The following CCDC7 variants were observed in gnomAD, a reference collection of about 807,000 sequenced individuals.
CCDC7 encodes coiled-coil domain containing 7.
Under a neutral mutation model 196.9 loss-of-function variants are expected in CCDC7, and 183 were observed. That is an observed-to-expected ratio of 0.93 (90% CI 0.82 to 1.05). The LOEUF (loss-of-function observed/expected upper bound fraction) is 1.05. Among genes scored for constraint, CCDC7 ranks in the 50% least tolerant of loss-of-function variants. The pLI is 0.00. For synonymous variants in CCDC7, 525 were observed against 484.6 expected (o/e 1.08, Z -1.10); for missense variants, 1,540 against 1,482.2 (o/e 1.04, Z -0.64).
intron 28 of CCDC7, among the ~76,000 whole-genome samples, chr10:32,777,043 C>T (rs11009079): frequency 0.088 from 13,419 of 152,124 alleles, 857 homozygotes; most frequent in East Asian, 0.33. Context: ...CATTTTACCC[C>T]TTCTTCCTCC....
In CCDC7 at chr10:32,814,274, A is replaced by C. The variant is rs750820535; in HGVS notation, c.3098-96A>C. ...TGCCCAGCCACAAATATTTTAAGTT[A>C]GTAACACACACACATATATGTACAT... On this transcript the variant is annotated intron_variant, in intron 30 of 41. Transcript: ENST00000639629. 7.1e-4 allele frequency: 622 copies of C among 872,570 alleles called. 1 individual carries two copies. Among genetic ancestry groups the C allele is most frequent in the Middle Eastern group, 3.4e-3 (12 of 3,498 alleles). The allele number at this position is 872,570 out of a possible 1,614,324, so 54.1% of individuals were successfully genotyped here.
At chr10:32,849,819 T>C (rs1224948543) in intron 39 of CCDC7, among the ~76,000 whole-genome samples, 1 of 151,694 alleles carries the variant, frequency 6.6e-6, no homozygotes, top group Non-Finnish European at 1.5e-5. Flanking sequence ...TAAGGTTACA[T>C]GGAGGAAGCA....
At chr10:32,637,413 G>A (rs1418715201) in intron 20 of CCDC7, among the ~76,000 whole-genome samples, 1 of 152,184 alleles carries the variant, frequency 6.6e-6, no homozygotes, top group East Asian at 1.9e-4. Flanking sequence ...TGTATAAGGT[G>A]TAAAGAAGGG....
intron 28 of CCDC7, among the ~76,000 whole-genome samples, chr10:32,745,365 C>A (rs1452780605): frequency 6.6e-6 from 1 of 152,180 alleles, no homozygotes; most frequent in Non-Finnish European, 1.5e-5. Flanking sequence ...CACAGTTCTG[C>A]AGACTATACA....
intron 5 of CCDC7, among the ~76,000 whole-genome samples, 193 bp downstream of exon 6, chr10:32,463,242 C>T (rs1370622175): frequency 2.6e-5 from 4 of 152,050 alleles, no homozygotes; most frequent in Admixed American, 2.6e-4. Flanking sequence ...CACCCTATAT[C>T]CCTGCATATA....
intron 6 of CCDC7, among the ~76,000 whole-genome samples, chr10:32,471,482 A>T (rs2037936304): frequency 6.6e-6 from 1 of 152,222 alleles, no homozygotes; most frequent in African/African-American, 2.4e-5. Flanking sequence ...CCGCATTTAA[A>T]GTGCTTAGTA....
chr10:32,533,647 A>G (rs1464189177), intron 11 of CCDC7, among the ~76,000 whole-genome samples: 1 of 151,860 alleles, frequency 6.6e-6, no homozygotes, highest in Non-Finnish European at 1.5e-5. Flanking sequence ...TCTCCTTCAT[A>G]TTTGAAGGAT....
intron 9 of CCDC7, among the ~76,000 whole-genome samples, chr10:32,516,181 A>C (rs908782677): frequency 1.3e-5 from 2 of 152,216 alleles, no homozygotes; most frequent in African/African-American, 4.8e-5. Flanking sequence ...AAGATAAATA[A>C]TTCAATTAAA....
intron 5 of CCDC7, among the ~76,000 whole-genome samples, chr10:32,464,648 C>T (rs1203336777): frequency 6.6e-6 from 1 of 151,924 alleles, no homozygotes; most frequent in Non-Finnish European, 1.5e-5. Flanking sequence ...TAGCTGGGAC[C>T]ACGGGCATGA....
At chr10:32,593,901 G>C (rs947957884) in intron 18 of CCDC7, among the ~76,000 whole-genome samples, 5 of 152,108 alleles carry the variant, frequency 3.3e-5, no homozygotes, top group Admixed American at 2.6e-4. Context: ...CTGTCCAACT[G>C]GTGTATCTCT....
chr10:32,460,511 G>T (rs1031923524), intron 3 of CCDC7, among the ~76,000 whole-genome samples: 6 of 152,112 alleles, frequency 3.9e-5, no homozygotes, highest in African/African-American at 1.4e-4. Flanking sequence ...ATTGATATAC[G>T]CTAAAGTTTC....
At chr10:32,739,608 C>T (rs2085462456) in intron 28 of CCDC7, among the ~76,000 whole-genome samples, 2 of 151,154 alleles carry the variant, frequency 1.3e-5, no homozygotes, top group East Asian at 3.9e-4. Context: ...AAAATTCTGC[C>T]ATATCTGAGT....
intron 39 of CCDC7, 97 bp from the exon 41 acceptor site, chr10:32,851,710 A>G: frequency 8.7e-7 from 1 of 1,155,800 alleles, no homozygotes; most frequent in Non-Finnish European, 1.2e-6. Flanking sequence ...ATATATTTAG[A>G]TGCTTTGATG....
At chr10:32,637,922 G>T (rs1373287242) in intron 20 of CCDC7, among the ~76,000 whole-genome samples, 2 of 152,108 alleles carry the variant, frequency 1.3e-5, no homozygotes, top group Non-Finnish European at 2.9e-5. Context: ...GTGGTTTGTA[G>T]TTCTCCTTGA....
chr10:32,463,423 A>T (rs1190301992), intron 5 of CCDC7, among the ~76,000 whole-genome samples: 1 of 152,232 alleles, frequency 6.6e-6, no homozygotes, highest in Non-Finnish European at 1.5e-5. Flanking sequence ...ATGTGTAGAC[A>T]TAAAATTATG....
At chr10:32,671,484 A>G (rs377760668) in intron 21 of CCDC7, among the ~76,000 whole-genome samples, 4 of 152,168 alleles carry the variant, frequency 2.6e-5, no homozygotes, top group African/African-American at 9.6e-5. Context: ...TTCAAGACAT[A>G]TCCCTGTCAT....
At chr10:32,840,390 T>C (rs2092901278) in intron 33 of CCDC7, among the ~76,000 whole-genome samples, 2 of 151,982 alleles carry the variant, frequency 1.3e-5, no homozygotes, top group East Asian at 1.9e-4. Flanking sequence ...CCATATAAAC[T>C]AGAAAACCTA....
At chr10:32,623,961 C>T (rs2139232543) in intron 18 of CCDC7, 1 of 290,778 alleles carries the variant, frequency 3.4e-6, no homozygotes, top group South Asian at 2.9e-5. Flanking sequence ...AATCCAAACA[C>T]CTCCCACCGG....
chr10:32,636,597 A>G (rs1225130373), intron 20 of CCDC7, among the ~76,000 whole-genome samples: 3 of 152,156 alleles, frequency 2.0e-5, no homozygotes, highest in Non-Finnish European at 2.9e-5. Flanking sequence ...CATGATGTAT[A>G]TGTGCCACAT....
Sources: allele counts gnomAD v4.1 joint callset (sites outside exome capture counted in the v4.1 genomes callset), GRCh38; gene constraint gnomAD v4.1.1; transcripts MANE v1.5; gene names NCBI Gene and HGNC (gene_info 2026-07-23, HGNC 2026-07-21).